Variants in ITPR1 observed in about 807,000 individuals in gnomAD.
ITPR1 encodes the protein inositol 1,4,5-trisphosphate receptor type 1, also known as inositol 1,4,5-trisphosphate-gated calcium channel ITPR1.
ITPR1 carries 96 observed loss-of-function variants against 318.4 expected under a neutral mutation model. That is an observed-to-expected ratio of 0.30 (90% CI 0.26 to 0.36). ITPR1 has a LOEUF of 0.36. ITPR1 is among the 10% of genes least tolerant of loss of function. The pLI is 1.00. For missense variants in ITPR1, 2,440 were observed against 3,460.2 expected (o/e 0.71, Z 7.40); for synonymous variants, 1,312 against 1,289.9 (o/e 1.02, Z -0.37).
At chr3:4,719,239 C>A (rs954693615) in intron 40 of ITPR1, among the ~76,000 whole-genome samples, 1 of 152,234 alleles carries the variant, frequency 6.6e-6, no homozygotes, top group Admixed American at 6.5e-5. Context: ...TGAAAATTCC[C>A]TGAAGAAGCA....
At chr3:4,835,735 G>A (rs1180630576) in intron 60 of ITPR1, among the ~76,000 whole-genome samples, 1 of 152,190 alleles carries the variant, frequency 6.6e-6, no homozygotes, top group African/African-American at 2.4e-5. Context: ...CTGCCTCTCT[G>A]TACAGAACTT....
intron 12 of ITPR1, among the ~76,000 whole-genome samples, chr3:4,655,997 G>T (rs1217247121): frequency 6.6e-6 from 1 of 152,206 alleles, no homozygotes; most frequent in African/African-American, 2.4e-5. Context: ...CCTAAGAACA[G>T]CTTCAGTGCC....
At chr3:4,678,721 C>CT (rs2094236003) in intron 24 of ITPR1, among the ~76,000 whole-genome samples, 1 of 152,124 alleles carries the variant, frequency 6.6e-6, no homozygotes, top group African/African-American at 2.4e-5. Context: ...AGGGTTTCAT[C>CT]TGAGCCTTTA....
intron 4 of ITPR1, among the ~76,000 whole-genome samples, chr3:4,556,737 C>T (rs535714755): frequency 6.6e-6 from 1 of 152,118 alleles, no homozygotes; most frequent in Non-Finnish European, 1.5e-5. Flanking sequence ...TTGGTTGCTT[C>T]CAAGTTTTGG....
intron 4 of ITPR1, among the ~76,000 whole-genome samples, chr3:4,611,296 A>T (rs2092103470): frequency 1.3e-5 from 2 of 150,268 alleles, no homozygotes; most frequent in Non-Finnish European, 2.9e-5. Context: ...GCAGTGGCTC[A>T]CGCCTGTAAT....
intron 4 of ITPR1, among the ~76,000 whole-genome samples, chr3:4,565,160 C>G (rs945195273): frequency 2.6e-5 from 4 of 152,092 alleles, no homozygotes; most frequent in African/African-American, 9.7e-5. Context: ...TCATAAGCAC[C>G]CTCTGGAGTT....
intron 4 of ITPR1, among the ~76,000 whole-genome samples, chr3:4,599,319 C>A (rs578089514): frequency 1.3e-5 from 2 of 152,290 alleles, no homozygotes; most frequent in East Asian, 1.9e-4. Flanking sequence ...CTCCTGCTCA[C>A]GCTTGTTTTT....
intron 60 of ITPR1, among the ~76,000 whole-genome samples, chr3:4,830,161 A>G (rs1487331119): frequency 6.6e-6 from 1 of 151,496 alleles, no homozygotes; most frequent in African/African-American, 2.4e-5. Flanking sequence ...TTTTTAGTAG[A>G]GACAGGGTTT....
At chr3:4,539,137 CTTA>C (rs1047593283) in intron 4 of ITPR1, among the ~76,000 whole-genome samples, 1 of 152,060 alleles carries the variant, frequency 6.6e-6, no homozygotes, top group Non-Finnish European at 1.5e-5. Flanking sequence ...CAGTATTTTT[CTTA>C]TTGAGTTCTA....
At chr3:4,829,985 T>C (rs1379330245) in intron 60 of ITPR1, among the ~76,000 whole-genome samples, 4 of 119,892 alleles carry the variant, frequency 3.3e-5, no homozygotes, top group African/African-American at 1.3e-4. Context: ...TTTTTGTGTG[T>C]GTGTGTGAAA....
intron 44 of ITPR1, among the ~76,000 whole-genome samples, chr3:4,737,250 T>C (rs2043340207): frequency 1.3e-5 from 2 of 152,200 alleles, no homozygotes; most frequent in South Asian, 4.1e-4. Context: ...TACGTGGATG[T>C]GCACATACGA....
chr3:4,737,373 G>C (rs3804997), intron 44 of ITPR1, among the ~76,000 whole-genome samples: 79,329 of 152,014 alleles, frequency 0.52, 22,728 homozygotes, highest in East Asian at 0.87. Flanking sequence ...ACGGTCTGTG[G>C]ATGAAATGGG....
rs567658982 is a variant in ITPR1, at chr3:4,532,274, C to T, written c.163+11180C>T. On this transcript the variant is annotated intron_variant, in intron 4 of 61. Coordinates refer to ENST00000649015, the MANE Select transcript of ITPR1 (RefSeq NM_001378452.1). ...AGGCATTGCTTCTGAGATCTGACTG[C>T]GTATAGGAACCACCTGGAATCTTGT... Among the ~76,000 whole-genome samples the T allele has an allele frequency of 2.6e-5, 4 of 152,240 alleles. No homozygotes were observed. In the East Asian group the frequency reaches 5.8e-4, roughly 22 times the overall value.
intron 4 of ITPR1, among the ~76,000 whole-genome samples, chr3:4,534,755 CACTT>C (rs770203202): frequency 1.6e-4 from 24 of 152,270 alleles, no homozygotes; most frequent in Middle Eastern, 3.4e-3. Flanking sequence ...TCAGTGATGA[CACTT>C]ATATATAAGC....
intron 18 of ITPR1, 136 bp downstream of exon 18, chr3:4,667,685 A>C: frequency 1.4e-6 from 1 of 738,492 alleles, no homozygotes. Context: ...AGGCTTTTTG[A>C]TGAGTAGTGG....
At chr3:4,764,843 T>C (rs1048970065) in intron 44 of ITPR1, among the ~76,000 whole-genome samples, 10 of 152,318 alleles carry the variant, frequency 6.6e-5, no homozygotes, top group African/African-American at 2.2e-4. Context: ...CTCCTGAGGC[T>C]GTCAATTTCA....
intron 4 of ITPR1, among the ~76,000 whole-genome samples, chr3:4,539,745 T>C (rs1451120457): frequency 1.3e-5 from 2 of 152,080 alleles, no homozygotes; most frequent in Non-Finnish European, 2.9e-5. Flanking sequence ...GATGGCTTTA[T>C]AAGAAGAGGA....
intron 13 of ITPR1, among the ~76,000 whole-genome samples, chr3:4,659,699 A>G (rs2093792622): frequency 6.6e-6 from 1 of 152,118 alleles, no homozygotes; most frequent in East Asian, 1.9e-4. Context: ...AGGAAAAAAA[A>G]AAAAGAAACT....
chr3:4,567,073 A>G (rs1402177476), intron 4 of ITPR1, among the ~76,000 whole-genome samples: 1 of 152,170 alleles, frequency 6.6e-6, no homozygotes, highest in Non-Finnish European at 1.5e-5. Context: ...CCATCTGTAA[A>G]ATGGGGATAA....
Sources: allele counts gnomAD v4.1 joint callset (sites outside exome capture counted in the v4.1 genomes callset), GRCh38; gene constraint gnomAD v4.1.1; transcripts MANE v1.5; gene names NCBI Gene and HGNC (gene_info 2026-07-23, HGNC 2026-07-21).